CTNNA3: variants seen among roughly 807,000 people sequenced by gnomAD.
The protein encoded by CTNNA3 is catenin alpha 3.
In CTNNA3, 76 loss-of-function variants were observed where a neutral mutation model predicts 95.7. The ratio of observed to expected loss-of-function variants is 0.79; its 90% CI spans 0.66 to 0.96. The LOEUF is 0.96. CTNNA3 is among the 40% of genes least tolerant of loss of function. The pLI is 0.00. For synonymous variants in CTNNA3, 431 were observed against 374.4 expected (o/e 1.15, Z -1.74); for missense variants, 1,191 against 1,089.8 (o/e 1.09, Z -1.31).
intron 1 of CTNNA3, among the ~76,000 whole-genome samples, chr10:67,695,160 G>C (rs1222856727): frequency 6.6e-6 from 1 of 152,166 alleles, no homozygotes; most frequent in Non-Finnish European, 1.5e-5. Flanking sequence ...ATGCAAACTT[G>C]AAATCCTGCT....
At chr10:67,698,681 A>T (rs919853294), upstream of CTNNA3, among the ~76,000 whole-genome samples, 1 of 152,152 alleles carries the variant, frequency 6.6e-6, no homozygotes, top group African/African-American at 2.4e-5. Context: ...GAACAGCCAT[A>T]ATACCTTTCT....
chr10:66,316,863 G>A (rs1272108612), intron 12 of CTNNA3, among the ~76,000 whole-genome samples: 1 of 152,020 alleles, frequency 6.6e-6, no homozygotes, highest in Admixed American at 6.6e-5. Context: ...AATTTAACTT[G>A]TTGTCTAGAC....
intron 12 of CTNNA3, among the ~76,000 whole-genome samples, chr10:66,335,231 G>A (rs111392909): frequency 0.012 from 1,819 of 152,096 alleles, 24 homozygotes; most frequent in African/African-American, 0.035. Context: ...CTCTCAACTC[G>A]TCAAAGTCAT....
chr10:66,609,994 T>C (rs1844270207), intron 10 of CTNNA3, among the ~76,000 whole-genome samples: 1 of 152,046 alleles, frequency 6.6e-6, no homozygotes, highest in Non-Finnish European at 1.5e-5. Flanking sequence ...CAAACTAACA[T>C]GGAACAGAAA....
chr10:67,285,634 G>C (rs1355070214), intron 5 of CTNNA3, among the ~76,000 whole-genome samples: 2 of 152,076 alleles, frequency 1.3e-5, no homozygotes, highest in African/African-American at 4.8e-5. Flanking sequence ...TTTGTAAACA[G>C]GAAAGTACAT....
At chr10:66,421,897 GATATAT>G (rs35513829) in intron 11 of CTNNA3, among the ~76,000 whole-genome samples, 2 of 108,160 alleles carry the variant, frequency 1.8e-5, no homozygotes, top group African/African-American at 3.5e-5. Context: ...TAATAAATGT[GATATAT>G]ATATATATAT....
chr10:66,442,155 C>T (rs1251490334), intron 11 of CTNNA3, among the ~76,000 whole-genome samples: 1 of 152,098 alleles, frequency 6.6e-6, no homozygotes, highest in East Asian at 1.9e-4. Flanking sequence ...ACTATTTACA[C>T]AGCATTTACA....
intron 9 of CTNNA3, among the ~76,000 whole-genome samples, chr10:66,632,329 G>C (rs1016371536): frequency 6.6e-6 from 1 of 151,968 alleles, no homozygotes; most frequent in Non-Finnish European, 1.5e-5. Flanking sequence ...TGAGGTGGGT[G>C]AATCTCCTGA....
At chr10:66,710,146 G>T (rs1471336112) in intron 9 of CTNNA3, among the ~76,000 whole-genome samples, 2 of 152,152 alleles carry the variant, frequency 1.3e-5, no homozygotes, top group Non-Finnish European at 2.9e-5. Context: ...AACATGAAAA[G>T]ATGTGTTTAG....
chr10:67,346,614 G>A (rs12267813), intron 5 of CTNNA3: 24,226 of 438,252 alleles, frequency 0.055, 1,005 homozygotes, highest in African/African-American at 0.13. Context: ...ACTGTATATG[G>A]ACAAGTAGAA....
intron 13 of CTNNA3, among the ~76,000 whole-genome samples, chr10:66,114,503 T>C (rs58828395): frequency 6.9e-6 from 1 of 145,280 alleles, no homozygotes; most frequent in African/African-American, 2.5e-5. Context: ...TATGTGTGCA[T>C]ATATGTATAT....
intron 6 of CTNNA3, among the ~76,000 whole-genome samples, chr10:67,196,812 T>C (rs1316225216): frequency 1.3e-5 from 2 of 152,130 alleles, no homozygotes; most frequent in Middle Eastern, 3.2e-3. Context: ...GTTGTGATAT[T>C]GAATATTATA....
At chr10:66,061,224 A>C (rs985635905) in intron 15 of CTNNA3, among the ~76,000 whole-genome samples, 1 of 152,130 alleles carries the variant, frequency 6.6e-6, no homozygotes, top group Non-Finnish European at 1.5e-5. Context: ...GCCTTGCTGC[A>C]TTTGTAACTG....
intron 16 of CTNNA3, among the ~76,000 whole-genome samples, chr10:65,980,614 T>C (rs1373992739): frequency 6.6e-6 from 1 of 151,056 alleles, no homozygotes; most frequent in Non-Finnish European, 1.5e-5. Context: ...GCTAACTAAA[T>C]TCAACAGCAT....
intron 3 of CTNNA3, among the ~76,000 whole-genome samples, chr10:67,605,734 A>G (rs1341152442): frequency 7.8e-6 from 1 of 128,474 alleles, no homozygotes; most frequent in Admixed American, 7.0e-5. Context: ...GCTGGAGTAC[A>G]ATGGTGTGAT....
intron 7 of CTNNA3, among the ~76,000 whole-genome samples, chr10:66,883,535 T>C (rs1216047293): frequency 6.6e-6 from 1 of 152,182 alleles, no homozygotes. Context: ...AAATGCTGTC[T>C]TCAGTGCCTT....
intron 4 of CTNNA3, among the ~76,000 whole-genome samples, chr10:67,527,044 GT>G (rs1280565051): frequency 6.6e-6 from 1 of 152,132 alleles, no homozygotes; most frequent in Non-Finnish European, 1.5e-5. Context: ...ATCAATTGAG[GT>G]CAGGAGTTCG....
At chr10:65,956,781 A>T (rs887746429) in intron 17 of CTNNA3, among the ~76,000 whole-genome samples, 2 of 152,114 alleles carry the variant, frequency 1.3e-5, no homozygotes, top group Non-Finnish European at 2.9e-5. Flanking sequence ...GTTCTTTTAC[A>T]TTTGCTGAGG....
chr10:66,043,105 A>C (rs2079738065), intron 15 of CTNNA3, among the ~76,000 whole-genome samples: 1 of 145,540 alleles, frequency 6.9e-6, no homozygotes, highest in African/African-American at 2.6e-5. Context: ...CATGGAAAGC[A>C]GTAAACATAA....
Sources: allele counts gnomAD v4.1 joint callset (sites outside exome capture counted in the v4.1 genomes callset), GRCh38; gene constraint gnomAD v4.1.1; transcripts MANE v1.5; gene names NCBI Gene and HGNC (gene_info 2026-07-23, HGNC 2026-07-21).